SLC9A9: variants seen among roughly 807,000 people sequenced by gnomAD.
The protein encoded by SLC9A9 is solute carrier family 9 member A9.
Under a neutral mutation model 77.8 loss-of-function variants are expected in SLC9A9, and 62 were observed. The ratio of observed to expected loss-of-function variants is 0.80; its 90% CI spans 0.65 to 0.98. SLC9A9 has a LOEUF of 0.98. Ranked by LOEUF, SLC9A9 falls within the 50% of genes least tolerant of loss-of-function variation. The pLI is 0.00. For synonymous variants in SLC9A9, 320 were observed against 283.5 expected, an observed-to-expected ratio of 1.13 and a Z score of -1.29; for missense variants, 775 against 774.9, an observed-to-expected ratio of 1.00 and a Z score of 0.00.
At chr3:143,341,498 A>G (rs2032097494) in intron 14 of SLC9A9, among the ~76,000 whole-genome samples, 1 of 152,314 alleles carries the variant, frequency 6.6e-6, no homozygotes, top group Non-Finnish European at 1.5e-5. Flanking sequence ...ATTATTGGGT[A>G]TCTGTGAATT....
chr3:143,320,548 A>G (rs938437922), intron 14 of SLC9A9, among the ~76,000 whole-genome samples: 3 of 152,218 alleles, frequency 2.0e-5, no homozygotes, highest in Non-Finnish European at 4.4e-5. Context: ...GAACAGGCAC[A>G]GCACATGGTG....
rs572835473 is a variant in SLC9A9 at position 143,336,166 on chromosome 3, A to G, written c.1604+27318T>C. On this transcript the variant is annotated intron_variant, in intron 14 of 15. Transcript: ENST00000316549. ...ATATGAAAAGATGCTCAATATCTCT[A>G]ATCATCAGGAGACTACATAATGAGA... 5.3e-5 allele frequency among the ~76,000 whole-genome samples: 8 copies of G among 152,306 alleles called. No homozygotes were observed. The South Asian group carries it at 1.7e-3, about 32-fold the overall frequency.
intron 14 of SLC9A9, among the ~76,000 whole-genome samples, chr3:143,299,179 T>C (rs2030408493): frequency 6.6e-6 from 1 of 152,150 alleles, no homozygotes; most frequent in Non-Finnish European, 1.5e-5. Context: ...TTAGCCATCA[T>C]TTACTTTCTT....
In SLC9A9 at chr3:143,577,728, A is replaced by G. The variant is rs537143103; in HGVS notation, c.894+857T>C. Among the ~76,000 whole-genome samples, 6 of 152,218 alleles carry G rather than the reference A, an allele frequency of 3.9e-5. No individual in the cohort carries two copies. In the East Asian group the frequency reaches 1.2e-3, roughly 29 times the overall value. On this transcript the variant is annotated intron_variant, in intron 7 of 15. Coordinates refer to ENST00000316549, the MANE Select transcript of SLC9A9 (RefSeq NM_173653.4). ...ATGTCTGGGCAAGACCCCATAGAAA[A>G]AGGCCCCCAATATTTTGCCTTCTCT...
chr3:143,665,596 T>C (rs2039052322), intron 5 of SLC9A9, among the ~76,000 whole-genome samples: 1 of 151,430 alleles, frequency 6.6e-6, no homozygotes, highest in Non-Finnish European at 1.5e-5. Context: ...GCAAGACTAA[T>C]AAAGAAGAAA....
At chr3:143,778,278 T>C (rs2007762834) in intron 4 of SLC9A9, among the ~76,000 whole-genome samples, 1 of 152,150 alleles carries the variant, frequency 6.6e-6, no homozygotes, top group South Asian at 2.1e-4. Flanking sequence ...TTTCCCTTTA[T>C]GGCAAGACTG....
chr3:143,543,557 GTAGCTCT>G (rs2036727699), intron 9 of SLC9A9, among the ~76,000 whole-genome samples: 1 of 152,090 alleles, frequency 6.6e-6, no homozygotes, highest in African/African-American at 2.4e-5. Context: ...CTGCCTTCTA[GTAGCTCT>G]TAGTGTCTAC....
chr3:143,492,498 AC>A (rs1232529512), intron 11 of SLC9A9, among the ~76,000 whole-genome samples: 4 of 152,160 alleles, frequency 2.6e-5, no homozygotes, highest in African/African-American at 4.8e-5. Flanking sequence ...TACCGTATGG[AC>A]CAGGCTAGGA....
intron 14 of SLC9A9, among the ~76,000 whole-genome samples, chr3:143,348,023 T>C (rs1006077153): frequency 6.6e-6 from 1 of 151,316 alleles, no homozygotes; most frequent in Non-Finnish European, 1.5e-5. Flanking sequence ...GTAATTTTTT[T>C]TTTTTTTTTT....
intron 5 of SLC9A9, among the ~76,000 whole-genome samples, chr3:143,670,646 A>C (rs997152920): frequency 6.6e-6 from 1 of 152,168 alleles, no homozygotes. Context: ...CTTGAGGTAC[A>C]GGAGACCTTA....
rs1169072603 is a variant in SLC9A9, at chr3:143,343,979, G to A, written c.1604+19505C>T. ...TAATTATGATTCTATCTTTTGGGCTGGCAATTATTTAAATAAAATATTATT... is the reference window on the plus strand; with the variant it reads ...TAATTATGATTCTATCTTTTGGGCTAGCAATTATTTAAATAAAATATTATT... On this transcript the variant is annotated intron_variant, in intron 14 of 15. Coordinates refer to ENST00000316549, the MANE Select transcript of SLC9A9 (RefSeq NM_173653.4). Among the ~76,000 whole-genome samples, 5 of 152,230 alleles carry A rather than the reference G, an allele frequency of 3.3e-5. No homozygotes were observed. The East Asian group carries it at 9.6e-4, about 29-fold the overall frequency.
chr3:143,412,163 G>A (rs2034107127), intron 12 of SLC9A9, among the ~76,000 whole-genome samples: 1 of 152,116 alleles, frequency 6.6e-6, no homozygotes, highest in Admixed American at 6.5e-5. Context: ...CTTTGAAGAA[G>A]GGTGAGACTC....
At chr3:143,289,410 C>T (rs890955607) in intron 14 of SLC9A9, among the ~76,000 whole-genome samples, 6 of 152,116 alleles carry the variant, frequency 3.9e-5, no homozygotes, top group East Asian at 1.9e-4. Context: ...GAAGCTCTGG[C>T]GAAGGCTAAG....
intron 2 of SLC9A9, among the ~76,000 whole-genome samples, chr3:143,819,061 A>G (rs2009101849): frequency 6.6e-6 from 1 of 152,182 alleles, no homozygotes; most frequent in Non-Finnish European, 1.5e-5. Flanking sequence ...CAGCCTGGGC[A>G]ACAAGAGTGA....
intron 14 of SLC9A9, among the ~76,000 whole-genome samples, chr3:143,269,994 C>T (rs1020742176): frequency 1.3e-5 from 2 of 152,272 alleles, no homozygotes; most frequent in African/African-American, 4.8e-5. Context: ...GAAGATGCAG[C>T]CCAGTGGAGG....
rs114656413 is a variant in SLC9A9 at position 143,567,218 on chromosome 3, T to A, written c.1000+6870A>T. 9.5e-3 allele frequency among the ~76,000 whole-genome samples: 1,451 copies of A among 152,226 alleles called. 26 individuals are homozygous for A. The highest frequency in any genetic ancestry group is 0.033 in the African/African-American group (1,377 of 41,546). On this transcript the variant is annotated intron_variant, in intron 8 of 15. Coordinates refer to ENST00000316549, the MANE Select transcript of SLC9A9 (RefSeq NM_173653.4). The stretch of plus-strand genomic sequence containing the variant: ...TTCTATTACAAAGCAATAAATTCCT[T>A]TGACTTTAGCAGTAAGGAAAATAGA...
chr3:143,398,938 T>C (rs890396242), intron 12 of SLC9A9, among the ~76,000 whole-genome samples: 1 of 152,048 alleles, frequency 6.6e-6, no homozygotes, highest in African/African-American at 2.4e-5. Flanking sequence ...CCATATTATA[T>C]TATAGACCAT....
chr3:143,388,506 G>A (rs2033479463), intron 12 of SLC9A9, among the ~76,000 whole-genome samples: 1 of 152,134 alleles, frequency 6.6e-6, no homozygotes, highest in Non-Finnish European at 1.5e-5. Flanking sequence ...TATAAGAGGG[G>A]ATAAGCATAT....
intron 1 of SLC9A9, among the ~76,000 whole-genome samples, chr3:143,839,514 AC>A (rs1398935392): frequency 2.6e-5 from 4 of 151,946 alleles, no homozygotes; most frequent in Non-Finnish European, 5.9e-5. Flanking sequence ...ACACACACAC[AC>A]ACACACACAC....
Sources: gnomAD v4.1 joint callset for allele counts (sites outside exome capture counted in the v4.1 genomes callset) on GRCh38, gnomAD v4.1.1 for gene constraint, MANE v1.5 for transcripts, NCBI Gene and HGNC (gene_info 2026-07-23, HGNC 2026-07-21) for gene names.